Variants in CTSV observed in about 807,000 individuals in gnomAD.
CTSV encodes the protein cathepsin L2.
Under a neutral mutation model 35.6 loss-of-function variants are expected in CTSV, and 33 were observed. The ratio of observed to expected loss-of-function variants is 0.93; its 90% confidence interval spans 0.70 to 1.24. The LOEUF is 1.24. CTSV is among the 50% of genes most tolerant of loss of function. CTSV has a pLI of 0.00. For missense variants in CTSV, 408 were observed against 413.1 expected (o/e 0.99, Z 0.11); for synonymous variants, 154 against 147.1 (o/e 1.05, Z -0.34).
At chr9:97,039,278 T>C (rs971374666), upstream of CTSV, 16 of 152,112 alleles carry the variant, frequency 1.1e-4, no homozygotes, top group African/African-American at 3.9e-4. Context: ...CGCAGCCCAG[T>C]CCCAACCCGT....
chr9:97,035,734 T>C, intron 5 of CTSV, 41 bp from the exon 6 acceptor site: 1 of 1,318,188 alleles, frequency 7.6e-7, no homozygotes. Context: ...CACTACCATC[T>C]ACCTCCTGGG....
At chr9:97,036,464 G>T in intron 5 of CTSV, 59 bp downstream of exon 5, 1 of 1,209,476 alleles carries the variant, frequency 8.3e-7, no homozygotes, top group Non-Finnish European at 1.2e-6. Context: ...TGTTATCTCT[G>T]AAAGTGTTCC....
rs10980243 is a variant in CTSV, at chr9:97,036,822, T to G, written c.397-75A>C. On this transcript the variant is annotated intron_variant, in intron 4 of 7. Transcript: ENST00000259470. ...ACAGTACCCCATAATTGAATTACCT[T>G]AATATTCTTTAAAAAAAAAAAAAAC... 218,698 of 1,176,090 alleles carry G rather than the reference T, an allele frequency of 0.19. 30,780 individuals are homozygous for G. The highest frequency in any genetic ancestry group is 0.6 in the East Asian group (23,388 of 39,052). 72.9% of individuals were successfully genotyped at this position (1,176,090 alleles called of 1,614,324 possible). A position where few individuals can be genotyped will look rare whatever the true frequency, so the allele number is the denominator to read the frequency against.
Position 97,033,348 on chromosome 9 carries a change from C to CCT in CTSV, c.906-302_906-301dup, listed in dbSNP as rs572289628. 8.4e-4 allele frequency among the ~76,000 whole-genome samples: 127 copies of CCT among 151,720 alleles called. 2 individuals are homozygous for CCT. Among genetic ancestry groups the CCT allele is most frequent in the Non-Finnish European group, 2.4e-4 (16 of 67,976 alleles). On this transcript the variant is annotated intron_variant, in intron 7 of 7. Transcript: ENST00000259470. Reference sequence around the variant, plus strand: ...AAAAATTGGCCAGGTGCGGTGCATGCCTGTAATCCCAGCACTTTGGGAGGC... The same window carrying CCT: ...AAAAATTGGCCAGGTGCGGTGCATGCCTCTGTAATCCCAGCACTTTGGGAGGC...
At chr9:97,038,981 AGC>A (rs1828907507) in intron 1 of CTSV, 88 bp downstream of exon 1, 1 of 152,470 alleles carries the variant, frequency 6.6e-6, no homozygotes, top group Non-Finnish European at 1.5e-5. Flanking sequence ...CACTCCCAGA[AGC>A]GCCCGCCTCC....
At position 97,037,961 on chromosome 9, in the gene CTSV, T is replaced by C; in HGVS notation, c.83A>G (p.Lys28Arg). The change falls in exon 2 of 8, where the codon AAG becomes AGG. Residue 28 changes from lysine to arginine, a missense_variant. Coordinates refer to ENST00000259470, the MANE Select transcript of CTSV (RefSeq NM_001333.4). ...VPKFDQNLDT[K>R]WYQWKATHRR... is the part of the protein sequence containing the mutation. Reference sequence around the variant, plus strand: ...GTGTGTTGCCTTCCACTGGTACCACTTTGTATCCAAATTTTGGTCAAATTT... The same window carrying C: ...GTGTGTTGCCTTCCACTGGTACCACCTTGTATCCAAATTTTGGTCAAATTT... 1 of 1,614,070 alleles carries C rather than the reference T, an allele frequency of 6.2e-7. No individual in the cohort carries two copies. Among genetic ancestry groups the C allele is most frequent in the South Asian group, 1.1e-5 (1 of 91,080 alleles).
chr9:97,034,791 C>G lies in CTSV; in HGVS notation c.840G>C (p.Leu280=). 1 of 1,614,100 alleles carries G rather than the reference C, an allele frequency of 6.2e-7. No homozygotes were observed. The highest frequency in any genetic ancestry group is 1.1e-5 in the South Asian group (1 of 91,084). ...CSSKNLDHGV[L]VVGYGFEGAN... ...CTCCTTCAAAGCCGTAGCCAACCAC[C>G]AGAACACCATGATCCAGGTTTTTGC... Residue 280 remains leucine (L), a synonymous_variant, in exon 7 of 8, where the codon CTG becomes CTC. Transcript: ENST00000259470.
In CTSV at chr9:97,032,752, T is replaced by C. The variant is rs1828775135; in HGVS notation, c.*197A>G. 1 of 429,164 alleles carries C rather than the reference T, an allele frequency of 2.3e-6. No individual in the cohort carries two copies. The allele number at this position is 429,164 out of a possible 1,614,324, so 26.6% of individuals were successfully genotyped here. The stretch of plus-strand genomic sequence containing the variant: ...AGAATTAAGCAATGAGTCTTTGATA[T>C]CATAAAGCTGTGTATAACAATAATT... On this transcript the variant is annotated 3_prime_UTR_variant, in exon 8 of 8. Coordinates refer to ENST00000259470, the MANE Select transcript of CTSV (RefSeq NM_001333.4).
intron 1 of CTSV, among the ~76,000 whole-genome samples, chr9:97,038,801 G>C (rs1828903334): frequency 6.6e-6 from 1 of 152,142 alleles, no homozygotes; most frequent in Admixed American, 6.5e-5. Context: ...CGGGGGCTCC[G>C]CGGCCAGGCT....
In CTSV at chr9:97,034,678, A is replaced by T. The variant is rs750707622; in HGVS notation, c.905+48T>A. ...TTGAGCTTTTGTGAACTTGTATCCA[A>T]ATACTGATTTGGAACAAAAATTCCC... On this transcript the variant is annotated intron_variant, in intron 7 of 7. Transcript: ENST00000259470. 9 of 1,432,418 alleles carry T rather than the reference A, an allele frequency of 6.3e-6. No homozygotes were observed. In the South Asian group the frequency reaches 1.0e-4, roughly 16 times the overall value. 88.7% of individuals were successfully genotyped at this position (1,432,418 alleles called of 1,614,324 possible). A position where few individuals can be genotyped will look rare whatever the true frequency, so the allele number is the denominator to read the frequency against.
At chr9:97,033,702 G>A (rs1224907786) in intron 7 of CTSV, among the ~76,000 whole-genome samples, 1 of 152,148 alleles carries the variant, frequency 6.6e-6, no homozygotes, top group Non-Finnish European at 1.5e-5. Context: ...GGAGGCTGAG[G>A]CAGGAGAATC....
At position 97,034,585 on chromosome 9, in the gene CTSV, T is replaced by A. The variant is rs745547606; in HGVS notation, c.905+141A>T. 2.7e-4 allele frequency: 182 copies of A among 662,112 alleles called. 1 individual carries two copies. Among genetic ancestry groups the A allele is most frequent in the Admixed American group, 4.9e-4 (19 of 38,820 alleles). 41.0% of individuals were successfully genotyped at this position (662,112 alleles called of 1,614,324 possible). A position where few individuals can be genotyped will look rare whatever the true frequency, so the allele number is the denominator to read the frequency against. ...TAACTCCAAAAAGCTTGGTACGGAA[T>A]CTTATAATCAAACATTAATATTTCT... is the stretch of plus-strand genomic sequence containing the variant. On this transcript the variant is annotated intron_variant, in intron 7 of 7. Transcript: ENST00000259470.
At chr9:97,038,590 G>C (rs1828898760) in intron 1 of CTSV, 1 of 153,350 alleles carries the variant, frequency 6.5e-6, no homozygotes, top group Non-Finnish European at 1.5e-5. Context: ...TCCCACACTT[G>C]GGTCTGTGCT....
chr9:97,032,318 A>G lies in CTSV; in HGVS notation c.*631T>C. On this transcript the variant is annotated 3_prime_UTR_variant, in exon 8 of 8. Transcript: ENST00000259470. Reference sequence around the variant, plus strand: ...GGAGGCTGAGGCAGAGAATTGCTTAAACCCGGGAGGCAGAGGTTGCAGTGA... The same window carrying G: ...GGAGGCTGAGGCAGAGAATTGCTTAGACCCGGGAGGCAGAGGTTGCAGTGA... 1 of 152,300 alleles carries G rather than the reference A, an allele frequency of 6.6e-6. No homozygotes were observed. The highest frequency in any genetic ancestry group is 1.5e-5 in the Non-Finnish European group (1 of 68,152). The allele number at this position is 152,300 out of a possible 1,614,324, so 9.4% of individuals were successfully genotyped here.
In CTSV at chr9:97,037,586, CCA is replaced by C; in HGVS notation, c.154_155del (p.Trp52GlyfsTer8). The C allele has an allele frequency of 1.2e-6, 2 of 1,614,038 alleles. No homozygotes were observed. Among genetic ancestry groups the C allele is most frequent in the Non-Finnish European group, 1.7e-6 (2 of 1,180,016 alleles). On this transcript the variant is annotated frameshift_variant, in exon 3 of 8. Transcript: ENST00000259470. LOFTEE classifies it high-confidence loss of function. ...GTTCAATCATTTTCATATTCTTTTCCCACACTGCTCTCCTCCATCCTTCTTCA... is the reference window on the plus strand; with the variant it reads ...GTTCAATCATTTTCATATTCTTTTCCCACTGCTCTCCTCCATCCTTCTTCA... Reference protein sequence around the residue: ...ANEEGWRRAVWEKNMKMIELH... With the variant: ...ANEEGWRRAVXEKNMKMIELH...
At position 97,037,255 on chromosome 9, in the gene CTSV, A is replaced by C; in HGVS notation, c.393T>G (p.Asn131Lys). The C allele has an allele frequency of 6.2e-7, 1 of 1,613,724 alleles. No homozygotes were observed. Among genetic ancestry groups the C allele is most frequent in the Non-Finnish European group, 8.5e-7 (1 of 1,179,770 alleles). The stretch of plus-strand genomic sequence containing the variant: ...TCTGAATCTGACGCTGTCTCACCTG[A>C]TTCTTCACTGGCGTCACGTAGCCTT... ...RKKGYVTPVK[N>K]QKQCGSCWAF... Residue 131 changes from asparagine to lysine, a missense_variant, in exon 4 of 8, where the codon AAT becomes AAG. By Grantham distance (94) the Asn-to-Lys change is moderately conservative. Transcript: ENST00000259470.
chr9:97,034,899 A>G (rs1828820299), intron 6 of CTSV, 56 bp from the exon 7 acceptor site: 3 of 1,304,562 alleles, frequency 2.3e-6, no homozygotes, highest in Non-Finnish European at 3.3e-6. Flanking sequence ...TGTGACAGTA[A>G]CCCACCCTAC....
intron 7 of CTSV, among the ~76,000 whole-genome samples, chr9:97,033,384 G>A (rs1587732836): frequency 1.3e-5 from 2 of 151,432 alleles, no homozygotes; most frequent in Admixed American, 1.3e-4. Context: ...TGAGGCGGGT[G>A]GATCACCTGA....
rs908528761 is a variant in CTSV at position 97,031,170 on chromosome 9, G to C, written c.*1779C>G. 2 of 152,152 alleles carry C rather than the reference G, an allele frequency of 1.3e-5. No homozygotes were observed. Among genetic ancestry groups the C allele is most frequent in the African/African-American group, 4.8e-5 (2 of 41,426 alleles). 9.4% of individuals were successfully genotyped at this position (152,152 alleles called of 1,614,324 possible). On this transcript the variant is annotated 3_prime_UTR_variant, in exon 8 of 8. Coordinates refer to ENST00000259470, the MANE Select transcript of CTSV (RefSeq NM_001333.4). ...ATGTTTCCTTAGAGCCTGGGTTGTT[G>C]TTCCAAGAATCTGTGGAGAGTACCA...
Sources: gnomAD v4.1 joint callset for allele counts (sites outside exome capture counted in the v4.1 genomes callset) on GRCh38, gnomAD v4.1.1 for gene constraint, MANE v1.5 for transcripts, NCBI Gene and HGNC (gene_info 2026-07-23, HGNC 2026-07-21) for gene names.